SKAP2: variants seen among roughly 807,000 people sequenced by gnomAD.
SKAP2 encodes src kinase associated phosphoprotein 2, also known as src kinase-associated phosphoprotein 2.
A neutral mutation model predicts 54.9 loss-of-function variants in SKAP2; 28 were observed. The ratio of observed to expected loss-of-function variants is 0.51; its 90% confidence interval spans 0.38 to 0.70. The LOEUF (loss-of-function observed/expected upper bound fraction) is 0.70, where lower values mean the gene tolerates loss of function less well. Ranked by LOEUF, SKAP2 falls within the 30% of genes least tolerant of loss-of-function variation. The pLI is 0.00. For synonymous variants in SKAP2, 137 were observed against 134.3 expected (o/e 1.02, Z -0.14); for missense variants, 356 against 424.1 (o/e 0.84, Z 1.41).
chr7:26,777,379 G>C (rs1123157), intron 4 of SKAP2, among the ~76,000 whole-genome samples: 58,075 of 151,912 alleles, frequency 0.38, 11,684 homozygotes, highest in Middle Eastern at 0.48. Flanking sequence ...GGACAAAAAA[G>C]AGGAAATAAG....
chr7:26,824,396 C>T (rs552506981), intron 4 of SKAP2, among the ~76,000 whole-genome samples: 3 of 152,200 alleles, frequency 2.0e-5, no homozygotes, highest in South Asian at 2.1e-4. Context: ...ACAAACACAA[C>T]GTAAGCTCAG....
At chr7:26,853,424 A>G (rs191760341) in intron 3 of SKAP2, among the ~76,000 whole-genome samples, 1 of 152,260 alleles carries the variant, frequency 6.6e-6, no homozygotes, top group African/African-American at 2.4e-5. Context: ...TTTCCCCTAA[A>G]GAATTGAATA....
intron 4 of SKAP2, among the ~76,000 whole-genome samples, chr7:26,834,124 T>G (rs1784658170): frequency 6.6e-6 from 1 of 152,082 alleles, no homozygotes; most frequent in Non-Finnish European, 1.5e-5. Context: ...AAGGCAGAAA[T>G]AAATAAGTTC....
At chr7:26,810,806 C>T (rs527793464) in intron 4 of SKAP2, among the ~76,000 whole-genome samples, 138 of 152,160 alleles carry the variant, frequency 9.1e-4, no homozygotes, top group Middle Eastern at 6.8e-3. Context: ...CTCAGCCTCC[C>T]GCGTAGCTGG....
At chr7:26,685,734 T>A (rs1371179079) in intron 10 of SKAP2, among the ~76,000 whole-genome samples, 1 of 152,180 alleles carries the variant, frequency 6.6e-6, no homozygotes, top group Non-Finnish European at 1.5e-5. Context: ...ACAGTGCAGA[T>A]CTCCTGAAAC....
In SKAP2 at chr7:26,864,456, A is replaced by G. The variant is rs1785333583; in HGVS notation, c.-27T>C. 1 of 1,587,280 alleles carries G rather than the reference A, an allele frequency of 6.3e-7. No homozygotes were observed. Among genetic ancestry groups the G allele is most frequent in the Admixed American group, 1.8e-5 (1 of 56,792 alleles). Reference sequence around the variant, plus strand: ...TTAGGGAGCGCAGGGCGTGCGGGGAAAGGACCTGCGCTGAAAAGGTGACCG... The same window carrying G: ...TTAGGGAGCGCAGGGCGTGCGGGGAGAGGACCTGCGCTGAAAAGGTGACCG... On this transcript the variant is annotated 5_prime_UTR_variant, in exon 1 of 13. Coordinates refer to ENST00000345317, the MANE Select transcript of SKAP2 (RefSeq NM_003930.5).
intron 4 of SKAP2, among the ~76,000 whole-genome samples, chr7:26,786,540 G>C (rs1783548539): frequency 6.6e-6 from 1 of 152,196 alleles, no homozygotes; most frequent in African/African-American, 2.4e-5. Context: ...AGGTCAAGAT[G>C]GGGGAAGGTG....
Position 26,739,940 on chromosome 7 carries a change from G to A in SKAP2, c.332C>T (p.Ala111Val), listed in dbSNP as rs1782395155. Residue 111 changes from alanine (A) to valine (V), a missense_variant, in exon 5 of 13, where the codon GCA becomes GTA. Ala to Val is a moderately conservative substitution (Grantham distance 64, BLOSUM62 0). Coordinates refer to ENST00000345317, the MANE Select transcript of SKAP2 (RefSeq NM_003930.5). ...CTTTAGAACAAAAGGAAGGTCTTGT[G>A]CTGCAATTGGAGGAAACTGGGCTCC... ...SDGAQFPPIA[A>V]QDLPFVLKAG... 3.7e-6 allele frequency: 6 copies of A among 1,611,280 alleles called. 1 individual carries two copies. In the African/African-American group the frequency reaches 5.4e-5, roughly 14 times the overall value.
chr7:26,743,381 C>A (rs778954257), intron 4 of SKAP2, among the ~76,000 whole-genome samples: 4 of 152,026 alleles, frequency 2.6e-5, no homozygotes, highest in Admixed American at 6.6e-5. Context: ...GAAAGTTAAT[C>A]AGAAATGAAA....
intron 9 of SKAP2, among the ~76,000 whole-genome samples, chr7:26,703,551 T>G (rs1202698924): frequency 6.6e-6 from 1 of 152,206 alleles, no homozygotes; most frequent in Non-Finnish European, 1.5e-5. Context: ...TCCAGAAGTT[T>G]ATATTACCCT....
chr7:26,817,520 A>G (rs1784293624), intron 4 of SKAP2, among the ~76,000 whole-genome samples: 1 of 152,194 alleles, frequency 6.6e-6, no homozygotes, highest in Admixed American at 6.6e-5. Flanking sequence ...ATGCATTTTT[A>G]CCATCCAAAG....
At chr7:26,753,886 G>A (rs919048443) in intron 4 of SKAP2, among the ~76,000 whole-genome samples, 1 of 152,104 alleles carries the variant, frequency 6.6e-6, no homozygotes, top group Non-Finnish European at 1.5e-5. Context: ...AAGACATGAA[G>A]AACAAAGAGG....
chr7:26,735,766 A>G (rs1787917389), intron 6 of SKAP2, among the ~76,000 whole-genome samples: 1 of 152,202 alleles, frequency 6.6e-6, no homozygotes, highest in Non-Finnish European at 1.5e-5. Flanking sequence ...CTAATTTCAC[A>G]AAAGAAAAAA....
chr7:26,851,207 C>G (rs1000766287), intron 3 of SKAP2, among the ~76,000 whole-genome samples: 4 of 146,494 alleles, frequency 2.7e-5, no homozygotes, highest in African/African-American at 5.1e-5. Context: ...CTCTTTAGCC[C>G]AGGAACTCGA....
chr7:26,847,706 T>C (rs527276407), intron 3 of SKAP2, among the ~76,000 whole-genome samples: 2 of 152,290 alleles, frequency 1.3e-5, no homozygotes, highest in African/African-American at 4.8e-5. Context: ...ACACAAAATG[T>C]CAGTGGTGCT....
chr7:26,706,996 T>C (rs1787174283), intron 9 of SKAP2, among the ~76,000 whole-genome samples: 1 of 152,190 alleles, frequency 6.6e-6, no homozygotes, highest in Non-Finnish European at 1.5e-5. Context: ...TTGGGATAAT[T>C]TGCTTCATAA....
intron 4 of SKAP2, among the ~76,000 whole-genome samples, chr7:26,754,210 A>C (rs1782741689): frequency 6.6e-6 from 1 of 152,016 alleles, no homozygotes. Flanking sequence ...CTGAAAATAC[A>C]AAAATTAGCA....
intron 4 of SKAP2, among the ~76,000 whole-genome samples, chr7:26,803,941 G>A (rs776754474): frequency 2.0e-4 from 31 of 152,084 alleles, no homozygotes; most frequent in Non-Finnish European, 4.0e-4. Flanking sequence ...TCATAGACAC[G>A]GAGTGTAGAG....
intron 4 of SKAP2, among the ~76,000 whole-genome samples, chr7:26,823,163 C>T (rs950195449): frequency 2.0e-5 from 3 of 151,362 alleles, no homozygotes; most frequent in Non-Finnish European, 4.4e-5. Flanking sequence ...TGGTGGCTCA[C>T]GCCTGTAATC....
Sources: allele counts gnomAD v4.1 joint callset (sites outside exome capture counted in the v4.1 genomes callset), GRCh38; gene constraint gnomAD v4.1.1; transcripts MANE v1.5; gene names NCBI Gene and HGNC (gene_info 2026-07-23, HGNC 2026-07-21).